ITK: variants seen among roughly 807,000 people sequenced by gnomAD.
ITK encodes tyrosine-protein kinase ITK/TSK.
Under a neutral mutation model 87.6 loss-of-function variants are expected in ITK, and 45 were observed. The ratio of observed to expected loss-of-function variants is 0.51; its 90% confidence interval spans 0.40 to 0.66. ITK has a LOEUF of 0.66. Among genes scored for constraint, ITK ranks in the 30% least tolerant of loss-of-function variants. The pLI, the probability that ITK is intolerant of heterozygous loss-of-function variation, is 0.00. For synonymous variants in ITK, 303 were observed against 273.6 expected (o/e 1.11, Z -1.06); for missense variants, 605 against 766.3 (o/e 0.79, Z 2.48).
chr5:157,232,606 G>A lies in ITK; in HGVS notation c.768+212G>A, dbSNP rs567443623. ...AGAAGAAAGAGAGGAAGGGAGGGAG[G>A]GAGGGAGGGAAGAAAGGTAAAAATG... On this transcript the variant is annotated intron_variant, in intron 8 of 16. Transcript: ENST00000422843. 1.1e-4 allele frequency among the ~76,000 whole-genome samples: 10 copies of A among 92,718 alleles called. No individual in the cohort carries two copies. In the East Asian group the frequency reaches 3.0e-3, roughly 28 times the overall value. 60.8% of individuals were successfully genotyped at this position (92,718 alleles called of 152,430 possible).
intron 1 of ITK, among the ~76,000 whole-genome samples, chr5:157,190,854 G>C (rs560769926): frequency 3.9e-5 from 6 of 152,222 alleles, no homozygotes; most frequent in Non-Finnish European, 8.8e-5. Context: ...GGCACAAGAC[G>C]AGGGGCAGAA....
intron 16 of ITK, among the ~76,000 whole-genome samples, chr5:157,250,011 T>C (rs1755110017): frequency 6.6e-6 from 1 of 152,242 alleles, no homozygotes; most frequent in East Asian, 1.9e-4. Context: ...ACAGTTTCCC[T>C]GTTCACTAAC....
At chr5:157,186,054 A>G (rs1753636448) in intron 1 of ITK, among the ~76,000 whole-genome samples, 2 of 152,212 alleles carry the variant, frequency 1.3e-5, no homozygotes, top group Non-Finnish European at 2.9e-5. Context: ...GTAGGTCAAG[A>G]AATTGAGACA....
chr5:157,214,769 A>G (rs890043696), intron 4 of ITK, among the ~76,000 whole-genome samples: 1 of 152,178 alleles, frequency 6.6e-6, no homozygotes, highest in Non-Finnish European at 1.5e-5. Flanking sequence ...CAGTGACATC[A>G]TGTCACACAT....
At position 157,180,926 on chromosome 5, in the gene ITK, G is replaced by C. The variant is rs1468524446; in HGVS notation, c.-52G>C. 3.8e-6 allele frequency: 6 copies of C among 1,595,912 alleles called. No individual in the cohort carries two copies. Among genetic ancestry groups the C allele is most frequent in the Non-Finnish European group, 5.2e-6 (6 of 1,164,446 alleles). ...TCTTTGCCCCAAAACTCTTTCCTTTGGTTGTGCTAAGAGGTGATGCCCAAG... is the reference window on the plus strand; with the variant it reads ...TCTTTGCCCCAAAACTCTTTCCTTTCGTTGTGCTAAGAGGTGATGCCCAAG... On this transcript the variant is annotated 5_prime_UTR_variant, in exon 1 of 17. Coordinates refer to ENST00000422843, the MANE Select transcript of ITK (RefSeq NM_005546.4).
At chr5:157,219,061 G>A (rs578234952) in intron 5 of ITK, among the ~76,000 whole-genome samples, 46 of 150,768 alleles carry the variant, frequency 3.1e-4, no homozygotes, top group Admixed American at 2.6e-3. Context: ...TTTAGGTAGG[G>A]AATATGACCC....
At position 157,208,885 on chromosome 5, in the gene ITK, A is replaced by G; in HGVS notation, c.139-4A>G. ...ATGAATGGGATGTTCTTCTCTCCCC[A>G]CAGAAGAAGCGCACGCTGAAGGGGT... On this transcript the variant is annotated splice_region_variant and splice_polypyrimidine_tract_variant and intron_variant, in intron 1 of 16. Coordinates refer to ENST00000422843, the MANE Select transcript of ITK (RefSeq NM_005546.4). 1.2e-6 allele frequency: 2 copies of G among 1,607,334 alleles called. No homozygotes were observed. The highest frequency in any genetic ancestry group is 2.2e-5 in the East Asian group (1 of 44,824).
chr5:157,183,171 T>C (rs1448677460), intron 1 of ITK, among the ~76,000 whole-genome samples: 2 of 152,142 alleles, frequency 1.3e-5, no homozygotes, highest in Admixed American at 6.5e-5. Context: ...TTTATCCAAG[T>C]TCCCTGAAAA....
chr5:157,232,543 C>T (rs1387634222), intron 8 of ITK, 149 bp downstream of exon 8: 3 of 453,012 alleles, frequency 6.6e-6, no homozygotes, highest in African/African-American at 6.0e-5. Flanking sequence ...CATTGTACCA[C>T]TGCACTTCAG....
intron 7 of ITK, 72 bp from the exon 8 acceptor site, chr5:157,232,268 G>C: frequency 1.9e-6 from 2 of 1,040,308 alleles, no homozygotes; most frequent in Non-Finnish European, 3.0e-6. Flanking sequence ...TGATTTTCTA[G>C]CATTGTCTTT....
At chr5:157,233,642 A>C (rs754802991) in intron 8 of ITK, among the ~76,000 whole-genome samples, 7 of 152,090 alleles carry the variant, frequency 4.6e-5, no homozygotes, top group Non-Finnish European at 1.0e-4. Flanking sequence ...GCCAACTCAA[A>C]CCTGGCGCTG....
At chr5:157,249,128 C>A in intron 16 of ITK, 121 bp downstream of exon 16, 1 of 847,460 alleles carries the variant, frequency 1.2e-6, no homozygotes, top group Non-Finnish European at 2.0e-6. Flanking sequence ...TATAGATTAG[C>A]AACAACATGA....
At chr5:157,181,818 GTCTA>G (rs1346995355) in intron 1 of ITK, among the ~76,000 whole-genome samples, 4 of 152,218 alleles carry the variant, frequency 2.6e-5, no homozygotes, top group Admixed American at 6.5e-5. Context: ...TGCTAGGTCA[GTCTA>G]TCTCTTTATC....
intron 1 of ITK, among the ~76,000 whole-genome samples, chr5:157,191,398 TGAG>T (rs1753752036): frequency 6.6e-6 from 1 of 152,182 alleles, no homozygotes; most frequent in Non-Finnish European, 1.5e-5. Flanking sequence ...AAATTAGAAT[TGAG>T]TTAAATCAGC....
At chr5:157,243,401 T>G (rs1321082722) in intron 11 of ITK, among the ~76,000 whole-genome samples, 2 of 152,232 alleles carry the variant, frequency 1.3e-5, no homozygotes, top group Non-Finnish European at 2.9e-5. Flanking sequence ...ATATCTTCAT[T>G]AATGCCACTC....
Position 157,227,373 on chromosome 5 carries a change from C to T in ITK, c.648-923C>T, listed in dbSNP as rs190784965. Among the ~76,000 whole-genome samples the T allele has an allele frequency of 2.1e-4, 32 of 152,270 alleles. No individual in the cohort carries two copies. The East Asian group carries it at 5.2e-3, about 25-fold the overall frequency. ...GTTTATTATGTTTTTTGTTTATGCA[C>T]AATTATTAATTCTTGCTCAAAAGTG... On this transcript the variant is annotated intron_variant, in intron 6 of 16. Coordinates refer to ENST00000422843, the MANE Select transcript of ITK (RefSeq NM_005546.4).
intron 4 of ITK, 66 bp downstream of exon 4, chr5:157,214,385 T>G (rs1373068225): frequency 1.5e-6 from 2 of 1,343,526 alleles, no homozygotes; most frequent in African/African-American, 2.9e-5. Context: ...GCTTTTGGCC[T>G]TTAATCATTG....
In ITK at chr5:157,253,164, G is replaced by A. The variant is rs116624314; in HGVS notation, c.*486G>A. 6.9e-6 allele frequency: 2 copies of A among 291,666 alleles called. No individual in the cohort carries two copies. Among genetic ancestry groups the A allele is most frequent in the African/African-American group, 2.1e-5 (1 of 47,684 alleles). 18.1% of individuals were successfully genotyped at this position (291,666 alleles called of 1,614,324 possible). A position where few individuals can be genotyped will look rare whatever the true frequency, so the allele number is the denominator to read the frequency against. ...GCATGAGTCTTTTTCCAAGAAAACTGGTGAGTTAAGTAAGATTAGAGTGAG... is the reference window on the plus strand; with the variant it reads ...GCATGAGTCTTTTTCCAAGAAAACTAGTGAGTTAAGTAAGATTAGAGTGAG... On this transcript the variant is annotated 3_prime_UTR_variant, in exon 17 of 17. Coordinates refer to ENST00000422843, the MANE Select transcript of ITK (RefSeq NM_005546.4).
intron 15 of ITK, 24 bp downstream of exon 15, chr5:157,246,023 T>G: frequency 6.7e-7 from 1 of 1,489,102 alleles, no homozygotes; most frequent in Non-Finnish European, 9.4e-7. Flanking sequence ...TGGGCCCCAC[T>G]GCCCCATGAT....
Sources: allele counts gnomAD v4.1 joint callset (sites outside exome capture counted in the v4.1 genomes callset), GRCh38; gene constraint gnomAD v4.1.1; transcripts MANE v1.5; gene names NCBI Gene and HGNC (gene_info 2026-07-23, HGNC 2026-07-21).